FBLN7: variants seen among roughly 807,000 people sequenced by gnomAD.
FBLN7 encodes fibulin 7, also known as fibulin-7.
A neutral mutation model predicts 44.0 loss-of-function variants in FBLN7; 31 were observed. That is an observed-to-expected ratio of 0.70 (90% CI 0.53 to 0.95). FBLN7 has a LOEUF of 0.95. FBLN7 is among the 40% of genes least tolerant of loss of function. The pLI, the probability that FBLN7 is intolerant of heterozygous loss-of-function variation, is 0.00. For synonymous variants in FBLN7, 262 were observed against 253.4 expected (o/e 1.03, Z -0.32); for missense variants, 573 against 618.5 (o/e 0.93, Z 0.78).
the FBLN7 span, chr2:112,233,110 C>T: frequency 1.9e-6 from 1 of 539,310 alleles, no homozygotes; most frequent in Non-Finnish European, 3.3e-6. Flanking sequence ...ATGAAAAAAT[C>T]CACGTACAAT....
chr2:112,242,719 TCAC>T, the FBLN7 span, among the ~76,000 whole-genome samples: 1 of 152,342 alleles, frequency 6.6e-6, no homozygotes, highest in Non-Finnish European at 1.5e-5. Flanking sequence ...TATTAAGCAT[TCAC>T]CACAATATTC....
At chr2:112,236,469 C>T in the FBLN7 span, 1 of 1,519,132 alleles carries the variant, frequency 6.6e-7, no homozygotes. Flanking sequence ...TTCCACCTCT[C>T]CATATCACAT....
chr2:112,236,676 T>G, the FBLN7 span: 130 of 1,611,256 alleles, frequency 8.1e-5, no homozygotes, highest in East Asian at 2.7e-3. Context: ...CTTTAAGATT[T>G]TTATTTTTTT....
At chr2:112,174,840 G>C (rs1682654813) in intron 3 of FBLN7, among the ~76,000 whole-genome samples, 1 of 152,118 alleles carries the variant, frequency 6.6e-6, no homozygotes, top group South Asian at 2.1e-4. Context: ...CTCCCAAGTA[G>C]CTGGGATTAC....
chr2:112,183,078 A>C, intron 6 of FBLN7, 150 bp downstream of exon 6: 2 of 1,013,084 alleles, frequency 2.0e-6, no homozygotes, highest in Non-Finnish European at 2.8e-6. Context: ...AGGGCTTCTC[A>C]AAGGTCAGGC....
At chr2:112,225,709 C>A in the FBLN7 span, among the ~76,000 whole-genome samples, 1 of 152,036 alleles carries the variant, frequency 6.6e-6, no homozygotes, top group African/African-American at 2.4e-5. Context: ...CCCACCTACT[C>A]AGGAGGCTGA....
chr2:112,175,376 C>T (rs955866801), intron 3 of FBLN7, among the ~76,000 whole-genome samples: 2 of 152,278 alleles, frequency 1.3e-5, no homozygotes, highest in Non-Finnish European at 2.9e-5. Flanking sequence ...TGTCTGGCTA[C>T]AGCTGTCTAC....
chr2:112,155,157 C>T (rs1681350379), intron 1 of FBLN7, among the ~76,000 whole-genome samples: 1 of 152,212 alleles, frequency 6.6e-6, no homozygotes, highest in Non-Finnish European at 1.5e-5. Context: ...AAAGCTTTCT[C>T]AGCTTGGAAA....
chr2:112,178,276 AAAAC>A (rs750261670), intron 4 of FBLN7, among the ~76,000 whole-genome samples: 14 of 151,332 alleles, frequency 9.3e-5, no homozygotes, highest in African/African-American at 3.4e-4. Flanking sequence ...AAACCAAAAG[AAAAC>A]AAACAAAAAA....
At chr2:112,208,349 C>G in the FBLN7 span, among the ~76,000 whole-genome samples, 1 of 151,962 alleles carries the variant, frequency 6.6e-6, no homozygotes. Flanking sequence ...TGCAGTGTGT[C>G]GAGATCACAC....
rs796271663 is a variant in FBLN7, at chr2:112,178,634, C to T, written c.532+2795C>T. On this transcript the variant is annotated intron_variant, in intron 4 of 7. Coordinates refer to ENST00000331203, the MANE Select transcript of FBLN7 (RefSeq NM_153214.3). ...TACTTGCAAACCAAATCCAGCAGCA[C>T]ATGAAAAAGCGAATCCACCATGATC... Among the ~76,000 whole-genome samples, 89 of 152,304 alleles carry T rather than the reference C, an allele frequency of 5.8e-4. 1 individual carries two copies. The highest frequency in any genetic ancestry group is 2.1e-3 in the African/African-American group (86 of 41,558).
At chr2:112,200,444 G>A in the FBLN7 span, among the ~76,000 whole-genome samples, 1 of 152,090 alleles carries the variant, frequency 6.6e-6, no homozygotes, top group Admixed American at 6.5e-5. Context: ...CCTTTGTCTG[G>A]GGAATTCTCG....
intron 1 of FBLN7, among the ~76,000 whole-genome samples, chr2:112,140,789 C>T (rs903238319): frequency 7.2e-5 from 11 of 152,200 alleles, no homozygotes; most frequent in Non-Finnish European, 1.3e-4. Flanking sequence ...GCAGAGGTGG[C>T]CCGGGAGGTT....
chr2:112,207,159 T>C, the FBLN7 span, among the ~76,000 whole-genome samples: 1 of 152,184 alleles, frequency 6.6e-6, no homozygotes, highest in Admixed American at 6.5e-5. Context: ...CAATGCTCCA[T>C]GAGCACTTGA....
the FBLN7 span, among the ~76,000 whole-genome samples, chr2:112,210,045 T>G: frequency 6.6e-6 from 1 of 151,070 alleles, no homozygotes; most frequent in Non-Finnish European, 1.5e-5. Context: ...AGGAGGGAAT[T>G]TGTGCAAGAT....
At chr2:112,172,619 TTTTC>T (rs1412806572) in intron 3 of FBLN7, among the ~76,000 whole-genome samples, 26 of 150,000 alleles carry the variant, frequency 1.7e-4, no homozygotes, top group Admixed American at 3.4e-4. Context: ...CACCTTTTCT[TTTTC>T]TTTCTTTTTT....
At chr2:112,243,963 T>C in the FBLN7 span, among the ~76,000 whole-genome samples, 2 of 151,694 alleles carry the variant, frequency 1.3e-5, no homozygotes, top group East Asian at 1.9e-4. Flanking sequence ...CTTAGTTAAA[T>C]TGTAATTTAT....
intron 1 of FBLN7, 37 bp downstream of exon 1, chr2:112,138,767 C>A (rs780386084): frequency 6.6e-7 from 1 of 1,514,646 alleles, no homozygotes; most frequent in South Asian, 1.2e-5. Context: ...GGCCAGTGTC[C>A]CTCCCGCCTC....
chr2:112,149,366 C>T (rs751055431), intron 1 of FBLN7, among the ~76,000 whole-genome samples: 1 of 152,220 alleles, frequency 6.6e-6, no homozygotes, highest in Non-Finnish European at 1.5e-5. Flanking sequence ...AACGGATGTC[C>T]TCCCAGGTCT....
Sources: gnomAD v4.1 joint callset for allele counts (sites outside exome capture counted in the v4.1 genomes callset) on GRCh38, gnomAD v4.1.1 for gene constraint, MANE v1.5 for transcripts, NCBI Gene and HGNC (gene_info 2026-07-23, HGNC 2026-07-21) for gene names.